Variants in KDM2B observed in about 807,000 individuals in gnomAD.
KDM2B encodes the protein lysine demethylase 2B.
A neutral mutation model predicts 150.0 loss-of-function variants in KDM2B; 26 were observed. The observed-to-expected ratio is 0.17, with a 90% CI of 0.13 to 0.24. The LOEUF (loss-of-function observed/expected upper bound fraction) is 0.24, where lower values mean the gene tolerates loss of function less well. KDM2B is among the 10% of genes least tolerant of loss of function. The pLI is 1.00. For missense variants in KDM2B, 1,265 were observed against 1,816.9 expected (o/e 0.70, Z 5.52); for synonymous variants, 734 against 729.5 (o/e 1.01, Z -0.10).
intron 2 of KDM2B, among the ~76,000 whole-genome samples, chr12:121,576,388 A>G (rs1032819529): frequency 6.6e-6 from 1 of 152,028 alleles, no homozygotes; most frequent in Non-Finnish European, 1.5e-5. Flanking sequence ...GGGAGGGGGG[A>G]AAAGCCGGTT....
At position 121,453,036 on chromosome 12, in the gene KDM2B, G is replaced by T; in HGVS notation, c.1959+84C>A. The T allele has an allele frequency of 8.2e-7, 1 of 1,226,198 alleles. No homozygotes were observed. The highest frequency in any genetic ancestry group is 1.1e-6 in the Non-Finnish European group (1 of 896,582). The allele number at this position is 1,226,198 out of a possible 1,614,324, so 76.0% of individuals were successfully genotyped here. The stretch of plus-strand genomic sequence containing the variant: ...CCGGCTTCTCTGTGTGCGGAGGGGC[G>T]GCCAGAGCGAGCAGCGGTCAGACAC... On this transcript the variant is annotated intron_variant, in intron 13 of 22. Transcript: ENST00000377071. The surrounding 1 kb of genome is among the most constrained non-coding windows in gnomAD (Gnocchi z 6.4).
chr12:121,554,969 T>C (rs1555312464), intron 4 of KDM2B, among the ~76,000 whole-genome samples: 1 of 152,098 alleles, frequency 6.6e-6, no homozygotes, highest in African/African-American at 2.4e-5. Context: ...GAGGATCACT[T>C]AAGCCCAGGA....
intron 6 of KDM2B, among the ~76,000 whole-genome samples, chr12:121,538,428 A>G (rs1359299282): frequency 6.6e-6 from 1 of 152,112 alleles, no homozygotes; most frequent in Non-Finnish European, 1.5e-5. Context: ...TCTGACCCCA[A>G]GGCCCACGCG....
Position 121,513,963 on chromosome 12 carries a change from C to A in KDM2B, c.1048-561G>T, listed in dbSNP as rs782020160. On this transcript the variant is annotated intron_variant, in intron 9 of 22. Coordinates refer to ENST00000377071, the MANE Select transcript of KDM2B (RefSeq NM_032590.5). This position sits in a 1 kb window ranked among gnomAD's most constrained non-coding sequence, Gnocchi z 5.0. Reference sequence around the variant, plus strand: ...TGAGGGGGTGTGGCCTCGCCTACCTCCAGGGGTGGGGCCTTGAAGGGGTCC... The same window carrying A: ...TGAGGGGGTGTGGCCTCGCCTACCTACAGGGGTGGGGCCTTGAAGGGGTCC... Among the ~76,000 whole-genome samples, 4 of 152,136 alleles carry A rather than the reference C, an allele frequency of 2.6e-5. No homozygotes were observed. The highest frequency in any genetic ancestry group is 1.3e-4 in the Admixed American group (2 of 15,276).
At chr12:121,573,679 C>G (rs1891291021) in intron 4 of KDM2B, among the ~76,000 whole-genome samples, 1 of 151,936 alleles carries the variant, frequency 6.6e-6, no homozygotes, top group Non-Finnish European at 1.5e-5. Context: ...CCGCCGCCTC[C>G]CAGGTTCACA....
chr12:121,511,411 C>T (rs1032941215), intron 10 of KDM2B, among the ~76,000 whole-genome samples: 3 of 151,892 alleles, frequency 2.0e-5, no homozygotes, highest in Admixed American at 2.0e-4. Context: ...CTCAGCCTCC[C>T]GAGTACCTGG....
At chr12:121,413,535 C>T in the KDM2B span, among the ~76,000 whole-genome samples, 1 of 151,434 alleles carries the variant, frequency 6.6e-6, no homozygotes, top group Non-Finnish European at 1.5e-5. Context: ...CCTCAGCCTC[C>T]CGAGTAGCTG....
At chr12:121,482,050 G>A (rs555860625) in intron 12 of KDM2B, among the ~76,000 whole-genome samples, 8 of 152,210 alleles carry the variant, frequency 5.3e-5, no homozygotes, top group South Asian at 4.1e-4. Flanking sequence ...CAAAGTGCAG[G>A]GATTACAGGC....
In KDM2B at chr12:121,445,308, G is replaced by A. The variant is rs782676216; in HGVS notation, c.2070C>T (p.Ile690=). The A allele has an allele frequency of 2.5e-6, 4 of 1,614,100 alleles. No homozygotes were observed. The South Asian group carries it at 4.4e-5, about 18-fold the overall frequency. ...KFNLMLMECS[I]CNEIIHPGCL... ...ATCCAGGGTGGATGATTTCATTGCA[G>A]ATGGAGCACTCCATGAGCATGAGGT... Residue 690 remains isoleucine, a synonymous_variant, in exon 14 of 23, where the codon ATC becomes ATT. Transcript: ENST00000377071.
At chr12:121,579,510 G>T in intron 1 of KDM2B, 2 of 500,154 alleles carry the variant, frequency 4.0e-6, no homozygotes, top group Non-Finnish European at 7.1e-6. Context: ...CCGCCCGCCC[G>T]CCAGTGCAAG....
intron 12 of KDM2B, chr12:121,469,060 A>G (rs551941957): frequency 5.9e-5 from 9 of 151,544 alleles, no homozygotes; most frequent in Admixed American, 5.9e-4. Context: ...ACGCCCAGCT[A>G]ATTTTTGTAT....
intron 12 of KDM2B, among the ~76,000 whole-genome samples, chr12:121,476,544 A>G (rs1278542750): frequency 6.6e-6 from 1 of 152,164 alleles, no homozygotes; most frequent in Non-Finnish European, 1.5e-5. Flanking sequence ...TTTAGGTCCT[A>G]TTCCTGAAAG....
At chr12:121,416,335 T>C in the KDM2B span, 1 of 1,614,156 alleles carries the variant, frequency 6.2e-7, no homozygotes, top group Non-Finnish European at 8.5e-7. Context: ...CCAACATAGT[T>C]TGTAAAGCCT....
chr12:121,480,850 CAT>C, intron 12 of KDM2B, among the ~76,000 whole-genome samples: 1 of 151,784 alleles, frequency 6.6e-6, no homozygotes, highest in South Asian at 2.1e-4. Flanking sequence ...CATCTTGTCT[CAT>C]AAACACTAGC....
At chr12:121,424,418 T>C (rs1555283981), downstream of KDM2B, 1 of 152,358 alleles carries the variant, frequency 6.6e-6, no homozygotes, top group Non-Finnish European at 1.5e-5. Flanking sequence ...TCAGAAGAGA[T>C]GGTGGGAGCA....
chr12:121,483,240 G>T (rs1325477059), intron 12 of KDM2B, among the ~76,000 whole-genome samples: 1 of 151,412 alleles, frequency 6.6e-6, no homozygotes, highest in Non-Finnish European at 1.5e-5. Flanking sequence ...TCCAGCCTGG[G>T]CAACAGTGCA....
downstream of KDM2B, among the ~76,000 whole-genome samples, chr12:121,428,933 G>A (rs79563986): frequency 0.11 from 15,974 of 152,108 alleles, 941 homozygotes; most frequent in South Asian, 0.23. Context: ...ATGATGAGCA[G>A]CTCTTCTCCT....
In KDM2B at chr12:121,509,572, C is replaced by T. The variant is rs373685762; in HGVS notation, c.1642G>A (p.Val548Met). The change falls in exon 11 of 23, where the codon GTG becomes ATG. Residue 548 changes from valine to methionine, a missense_variant. Around this residue, in one of 11 missense-constraint regions of KDM2B, gnomAD observed 69 missense variants for 85.7 expected, o/e 0.81. Coordinates refer to ENST00000377071, the MANE Select transcript of KDM2B (RefSeq NM_032590.5). ...CAGACGCCACTCCTGCCCACCTTCA[C>T]ACCCTCCAGGAGTGCCTGGGGGTCC... ...IEDPQALLEG[V>M]KNVLKEHADD... The T allele has an allele frequency of 2.5e-6, 4 of 1,612,816 alleles. No homozygotes were observed. In the East Asian group the frequency reaches 8.9e-5, roughly 36 times the overall value.
chr12:121,580,258 G>GT (rs1891863301), intron 1 of KDM2B: 1 of 1,267,282 alleles, frequency 7.9e-7, no homozygotes, highest in African/African-American at 1.6e-5. Flanking sequence ...GTTGTGGGGG[G>GT]GGGGAGGCGT....
Sources: allele counts gnomAD v4.1 joint callset (sites outside exome capture counted in the v4.1 genomes callset), GRCh38; gene constraint gnomAD v4.1.1; regional missense constraint gnomAD v4.1.1; non-coding constraint Gnocchi (gnomAD v3.1); transcripts MANE v1.5; gene names NCBI Gene and HGNC (gene_info 2026-07-23, HGNC 2026-07-21).